Variants in ASXL1 observed in about 807,000 individuals in gnomAD.
The protein encoded by ASXL1 is ASXL transcriptional regulator 1.
Under a neutral mutation model 89.1 loss-of-function variants are expected in ASXL1, and 65 were observed. That is an observed-to-expected ratio of 0.73 (90% CI 0.60 to 0.90). The LOEUF is 0.90. Ranked by LOEUF, ASXL1 falls within the 40% of genes least tolerant of loss-of-function variation. The pLI, the probability that ASXL1 is intolerant of heterozygous loss-of-function variation, is 0.00. For synonymous variants in ASXL1, 739 were observed against 746.9 expected (o/e 0.99, Z 0.17); for missense variants, 1,786 against 1,942.9 (o/e 0.92, Z 1.52).
At chr20:32,402,225 T>G (rs930867671) in intron 4 of ASXL1, among the ~76,000 whole-genome samples, 1 of 152,190 alleles carries the variant, frequency 6.6e-6, no homozygotes, top group Non-Finnish European at 1.5e-5. Flanking sequence ...AGAGCATTTC[T>G]CCCCCCTAAA....
chr20:32,373,071 G>A (rs1276296444), intron 4 of ASXL1, among the ~76,000 whole-genome samples: 1 of 149,748 alleles, frequency 6.7e-6, no homozygotes, highest in South Asian at 2.1e-4. Flanking sequence ...GCCACCTCGT[G>A]TGTCCTTGTT....
At chr20:32,382,248 T>G (rs992233598) in intron 4 of ASXL1, among the ~76,000 whole-genome samples, 4 of 152,224 alleles carry the variant, frequency 2.6e-5, no homozygotes, top group African/African-American at 9.6e-5. Flanking sequence ...GTCCTGGGAT[T>G]ACAGGTGTGA....
At chr20:32,362,900 C>G (rs1269626549) in intron 1 of ASXL1, among the ~76,000 whole-genome samples, 2 of 152,094 alleles carry the variant, frequency 1.3e-5, no homozygotes, top group Non-Finnish European at 2.9e-5. Flanking sequence ...AGGGGATTTC[C>G]CTTTAAATCG....
At chr20:32,367,563 A>G (rs1297867355) in intron 2 of ASXL1, among the ~76,000 whole-genome samples, 164 bp from the exon 3 acceptor site, 1 of 152,192 alleles carries the variant, frequency 6.6e-6, no homozygotes, top group Non-Finnish European at 1.5e-5. Flanking sequence ...AACGTTCTCA[A>G]GTTGATGTTT....
intron 1 of ASXL1, 77 bp downstream of exon 1, chr20:32,358,909 G>T (rs1861241932): frequency 1.5e-6 from 2 of 1,372,506 alleles, no homozygotes; most frequent in Non-Finnish European, 1.9e-6. Flanking sequence ...CACTGGGGGG[G>T]GAGGGGCAAG....
chr20:32,425,640 A>G (rs544320604), intron 4 of ASXL1, among the ~76,000 whole-genome samples: 121 of 152,192 alleles, frequency 8.0e-4, no homozygotes, highest in Non-Finnish European at 1.5e-3. Context: ...CCTCTTGTGC[A>G]GTGCCTAATT....
chr20:32,369,469 C>T (rs1367870469), intron 4 of ASXL1, among the ~76,000 whole-genome samples: 1 of 151,670 alleles, frequency 6.6e-6, no homozygotes, highest in Non-Finnish European at 1.5e-5. Context: ...CCAGGCTGGT[C>T]TCGAAATCCT....
intron 4 of ASXL1, among the ~76,000 whole-genome samples, chr20:32,402,008 T>G (rs1243584918): frequency 6.6e-6 from 1 of 152,268 alleles, no homozygotes; most frequent in Non-Finnish European, 1.5e-5. Flanking sequence ...AGGCTGCAGT[T>G]GACCATGCGT....
At chr20:32,376,289 C>A (rs951254346) in intron 4 of ASXL1, among the ~76,000 whole-genome samples, 1 of 150,192 alleles carries the variant, frequency 6.7e-6, no homozygotes, top group Admixed American at 6.6e-5. Context: ...GTTGTGTTAT[C>A]TTTGAGATGG....
chr20:32,368,159 G>T (rs555269766), intron 3 of ASXL1, among the ~76,000 whole-genome samples: 2 of 152,234 alleles, frequency 1.3e-5, no homozygotes, highest in Non-Finnish European at 2.9e-5. Flanking sequence ...GCTGGGGAGA[G>T]GGAAGAGAGG....
At position 32,388,168 on chromosome 20, in the gene ASXL1, T is replaced by TTTTA. The variant is rs551070584; in HGVS notation, c.252+19065_252+19068dup. 6.2e-3 allele frequency among the ~76,000 whole-genome samples: 938 copies of TTTTA among 152,058 alleles called. 10 individuals carry two copies. The highest frequency in any genetic ancestry group is 0.021 in the African/African-American group (885 of 41,462). Reference sequence around the variant, plus strand: ...CACCTTCCTCAACACCGAAGATATATTTTATTTATTTATTTATTTATTTTG... The same window carrying TTTTA: ...CACCTTCCTCAACACCGAAGATATATTTTATTTATTTATTTATTTATTTATTTTG... On this transcript the variant is annotated intron_variant, in intron 4 of 12. Coordinates refer to ENST00000375687, the MANE Select transcript of ASXL1 (RefSeq NM_015338.6).
chr20:32,396,436 G>A (rs6141302), intron 4 of ASXL1, among the ~76,000 whole-genome samples: 3 of 151,974 alleles, frequency 2.0e-5, no homozygotes, highest in African/African-American at 7.3e-5. Flanking sequence ...TAGGTGGGGC[G>A]TATCCTTTCT....
chr20:32,431,807 A>G (rs1189840556), intron 10 of ASXL1, 128 bp downstream of exon 10: 1 of 963,270 alleles, frequency 1.0e-6, no homozygotes, highest in African/African-American at 1.6e-5. Context: ...GGCTTTCCTC[A>G]TTACTAATAA....
At chr20:32,396,392 A>G (rs2048762408) in intron 4 of ASXL1, among the ~76,000 whole-genome samples, 1 of 152,152 alleles carries the variant, frequency 6.6e-6, no homozygotes, top group Non-Finnish European at 1.5e-5. Context: ...TTAGCTGGAA[A>G]CTAATTCTTT....
chr20:32,428,245 G>A lies in ASXL1; in HGVS notation c.370G>A (p.Asp124Asn), dbSNP rs771925643. The change falls in exon 5 of 13, where the codon GAT becomes AAT. Residue 124 changes from aspartate to asparagine, a missense_variant. Around this residue, in one of 3 missense-constraint regions of ASXL1, gnomAD observed 332 missense variants for 449.7 expected, o/e 0.74. Coordinates refer to ENST00000375687, the MANE Select transcript of ASXL1 (RefSeq NM_015338.6). ...NEASTVSGEN[D>N]VSLDETSSNA... ...AGCCAGCACTGTGAGTGGTGAAAACGATGGTAAGGACCCTTTAATGGATGG... is the reference window on the plus strand; with the variant it reads ...AGCCAGCACTGTGAGTGGTGAAAACAATGGTAAGGACCCTTTAATGGATGG... The A allele has an allele frequency of 1.2e-6, 2 of 1,614,202 alleles. No individual in the cohort carries two copies. Among genetic ancestry groups the A allele is most frequent in the Admixed American group, 1.7e-5 (1 of 60,034 alleles).
chr20:32,429,023 G>A lies in ASXL1; in HGVS notation c.472-315G>A. 1 of 395,142 alleles carries A rather than the reference G, an allele frequency of 2.5e-6. No individual in the cohort carries two copies. The highest frequency in any genetic ancestry group is 2.1e-5 in the South Asian group (1 of 47,340). The allele number at this position is 395,142 out of a possible 1,614,324, so 24.5% of individuals were successfully genotyped here. On this transcript the variant is annotated intron_variant, in intron 6 of 12. Transcript: ENST00000375687. This position sits in a 1 kb window ranked among gnomAD's most constrained non-coding sequence, Gnocchi z 4.9. ...CAGGGAGAAGTGTGGTTAGTGCAGA[G>A]TAGAGAGAACAGGAGATTGGGAGTG...
intron 2 of ASXL1, among the ~76,000 whole-genome samples, chr20:32,366,972 GGT>G (rs968948713): frequency 3.3e-5 from 5 of 151,836 alleles, no homozygotes; most frequent in African/African-American, 1.2e-4. Context: ...CCAAATTTAT[GGT>G]GTAGTTTTCC....
intron 4 of ASXL1, among the ~76,000 whole-genome samples, chr20:32,418,551 CATA>C (rs1410354542): frequency 6.6e-5 from 10 of 152,112 alleles, no homozygotes; most frequent in African/African-American, 2.4e-4. Context: ...GGTCTGATTG[CATA>C]ATATTTCCAT....
intron 4 of ASXL1, among the ~76,000 whole-genome samples, chr20:32,423,658 C>A (rs1357238323): frequency 6.6e-6 from 1 of 152,156 alleles, no homozygotes; most frequent in Non-Finnish European, 1.5e-5. Flanking sequence ...TCAAGCGATC[C>A]TCCTGCCACA....
Sources: gnomAD v4.1 joint callset for allele counts (sites outside exome capture counted in the v4.1 genomes callset) on GRCh38, gnomAD v4.1.1 for gene constraint, gnomAD v4.1.1 regional missense constraint, Gnocchi (gnomAD v3.1) non-coding constraint, MANE v1.5 for transcripts, NCBI Gene and HGNC (gene_info 2026-07-23, HGNC 2026-07-21) for gene names.